Variants in TRAPPC8 observed in about 807,000 individuals in gnomAD.
The protein encoded by TRAPPC8 is trafficking protein particle complex subunit 8.
A neutral mutation model predicts 174.3 loss-of-function variants in TRAPPC8; 54 were observed. The ratio of observed to expected loss-of-function variants is 0.31; its 90% CI spans 0.25 to 0.39. TRAPPC8 has a LOEUF of 0.39. Among genes scored for constraint, TRAPPC8 ranks in the 10% least tolerant of loss-of-function variants. The probability of loss-of-function intolerance (pLI) is 1.00; values close to 1 mark genes in which losing one functional copy is unlikely to be tolerated. For missense variants in TRAPPC8, 1,531 were observed against 1,699.1 expected (o/e 0.90, Z 1.74); for synonymous variants, 630 against 579.9 (o/e 1.09, Z -1.24).
chr18:31,919,604 C>CCTAACA (rs773824663), intron 2 of TRAPPC8, among the ~76,000 whole-genome samples: 2 of 144,538 alleles, frequency 1.4e-5, no homozygotes, highest in Admixed American at 1.4e-4. Flanking sequence ...TAATAATAAT[C>CCTAACA]CTAACACTTT....
At chr18:31,913,240 G>T in intron 5 of TRAPPC8, 129 bp downstream of exon 5, 2 of 962,024 alleles carry the variant, frequency 2.1e-6, no homozygotes, top group Non-Finnish European at 1.5e-6. Flanking sequence ...TGACCTAAGA[G>T]CTCACCTCTG....
intron 8 of TRAPPC8, among the ~76,000 whole-genome samples, 187 bp downstream of exon 8, chr18:31,908,116 G>C (rs982115162): frequency 5.3e-5 from 8 of 152,102 alleles, no homozygotes; most frequent in Non-Finnish European, 1.2e-4. Flanking sequence ...TTTGTTTTTA[G>C]ATGTCCAATT....
At chr18:31,876,082 G>GT (rs2035128284) in intron 12 of TRAPPC8, among the ~76,000 whole-genome samples, 1 of 152,188 alleles carries the variant, frequency 6.6e-6, no homozygotes, top group African/African-American at 2.4e-5. Context: ...GATATCCCAA[G>GT]TTCACTGACT....
intron 26 of TRAPPC8, among the ~76,000 whole-genome samples, chr18:31,845,476 TA>T (rs1210105386): frequency 6.6e-6 from 1 of 151,870 alleles, no homozygotes; most frequent in East Asian, 1.9e-4. Flanking sequence ...TTTTTTTTTT[TA>T]ATGTAAGAGA....
At chr18:31,919,859 C>G (rs113414357) in intron 2 of TRAPPC8, among the ~76,000 whole-genome samples, 1 of 151,422 alleles carries the variant, frequency 6.6e-6, no homozygotes, top group Non-Finnish European at 1.5e-5. Flanking sequence ...GAGACCCTGT[C>G]TCAAAAAATA....
At chr18:31,866,345 A>C (rs1281061186) in intron 18 of TRAPPC8, among the ~76,000 whole-genome samples, 1 of 152,182 alleles carries the variant, frequency 6.6e-6, no homozygotes, top group Non-Finnish European at 1.5e-5. Flanking sequence ...CTCTTCAAAA[A>C]TGTGTAGAAC....
At chr18:31,840,194 T>TC (rs1330076605) in intron 26 of TRAPPC8, among the ~76,000 whole-genome samples, 1 of 152,100 alleles carries the variant, frequency 6.6e-6, no homozygotes, top group African/African-American at 2.4e-5. Flanking sequence ...TGCCATCTAC[T>TC]AAAACTATAC....
rs930895287 is a variant in TRAPPC8 at position 31,917,554 on chromosome 18, G to C, written c.442+24C>G. 6 of 1,576,938 alleles carry C rather than the reference G, an allele frequency of 3.8e-6. No homozygotes were observed. In the African/African-American group the frequency reaches 6.8e-5, roughly 18 times the overall value. On this transcript the variant is annotated intron_variant, in intron 3 of 28. Transcript: ENST00000283351. Reference sequence around the variant, plus strand: ...TAACTTCCATAATATTTGATTTGAGGAGAACATAAATGTCAAAGGATACAT... The same window carrying C: ...TAACTTCCATAATATTTGATTTGAGCAGAACATAAATGTCAAAGGATACAT...
chr18:31,864,257 GA>G (rs1359637985), intron 19 of TRAPPC8, among the ~76,000 whole-genome samples: 1 of 151,754 alleles, frequency 6.6e-6, no homozygotes, highest in Non-Finnish European at 1.5e-5. Context: ...GGAAGAAGGT[GA>G]AATACTGCTT....
intron 27 of TRAPPC8, among the ~76,000 whole-genome samples, chr18:31,836,728 G>A (rs530458147): frequency 6.6e-6 from 1 of 151,688 alleles, no homozygotes; most frequent in Non-Finnish European, 1.5e-5. Flanking sequence ...GGAACCTCTG[G>A]GGGTAGGACT....
intron 1 of TRAPPC8, among the ~76,000 whole-genome samples, chr18:31,934,376 G>A (rs796115256): frequency 2.0e-5 from 3 of 152,240 alleles, no homozygotes; most frequent in African/African-American, 7.2e-5. Context: ...GTTCTGGGTA[G>A]TGGGGAGGTG....
chr18:31,931,630 C>T, intron 1 of TRAPPC8, 107 bp from the exon 2 acceptor site: 1 of 780,814 alleles, frequency 1.3e-6, no homozygotes, highest in Non-Finnish European at 1.9e-6. Context: ...AAGCAGAAGC[C>T]AGCAATTCCA....
chr18:31,893,994 C>T (rs1468820586), intron 11 of TRAPPC8, among the ~76,000 whole-genome samples: 9 of 152,180 alleles, frequency 5.9e-5, no homozygotes, highest in South Asian at 2.1e-4. Context: ...ATGATTCTAA[C>T]GCACAATCCA....
rs1322910062 is a variant in TRAPPC8 at position 31,908,877 on chromosome 18, T to C, written c.999A>G (p.Gly333=). Reference sequence around the variant, plus strand: ...GTGTTAAACATGCACCATGAATTATTCCAGTATTTCCTTTCTTTGTTTCAT... The same window carrying C: ...GTGTTAAACATGCACCATGAATTATCCCAGTATTTCCTTTCTTTGTTTCAT... ...SLHETKKGNT[G]IIHGACLTLT... is the part of the protein sequence containing the mutation. The change falls in exon 7 of 29, where the codon GGA becomes GGG. Residue 333 remains glycine (G), a synonymous_variant. Coordinates refer to ENST00000283351, the MANE Select transcript of TRAPPC8 (RefSeq NM_014939.5). 9 of 1,613,746 alleles carry C rather than the reference T, an allele frequency of 5.6e-6. No individual in the cohort carries two copies. The highest frequency in any genetic ancestry group is 7.6e-6 in the Non-Finnish European group (9 of 1,179,836).
Position 31,908,288 on chromosome 18 carries a change from T to C in TRAPPC8, c.1238+15A>G. On this transcript the variant is annotated intron_variant, in intron 8 of 28. Transcript: ENST00000283351. The stretch of plus-strand genomic sequence containing the variant: ...TTAAACAGAGGAAAAACAAAAATGA[T>C]AACACTTTACTCACAGCAAGCCAGA... The C allele has an allele frequency of 6.5e-7, 1 of 1,545,062 alleles. No homozygotes were observed.
intron 2 of TRAPPC8, among the ~76,000 whole-genome samples, chr18:31,924,962 G>A (rs1408356523): frequency 1.3e-5 from 2 of 151,642 alleles, no homozygotes; most frequent in African/African-American, 4.8e-5. Flanking sequence ...GAAAAAAAAG[G>A]CCCAGGACAC....
In TRAPPC8 at chr18:31,914,982, A is replaced by G. The variant is rs572252295; in HGVS notation, c.617+1290T>C. ...AGTCACAAGAGAGTGGACAGTGGAAAAAGTGCCTGTAAGCAAGTCAGGCCA... is the reference window on the plus strand; with the variant it reads ...AGTCACAAGAGAGTGGACAGTGGAAGAAGTGCCTGTAAGCAAGTCAGGCCA... On this transcript the variant is annotated intron_variant, in intron 4 of 28. Transcript: ENST00000283351. 5.9e-4 allele frequency among the ~76,000 whole-genome samples: 90 copies of G among 152,326 alleles called. 2 individuals are homozygous for G. In the South Asian group the frequency reaches 0.018, roughly 31 times the overall value.
chr18:31,870,963 G>C lies in TRAPPC8; in HGVS notation c.2220C>G (p.Tyr740Ter). 1.9e-6 allele frequency: 3 copies of C among 1,590,610 alleles called. No individual in the cohort carries two copies. Among genetic ancestry groups the C allele is most frequent in the Non-Finnish European group, 2.6e-6 (3 of 1,166,938 alleles). ...CAAGTGGAAATCTTGAATTATCTGAGTAACTGTTCAAACAGTATTGTGTGG... is the reference window on the plus strand; with the variant it reads ...CAAGTGGAAATCTTGAATTATCTGACTAACTGTTCAAACAGTATTGTGTGG... ...FHPTQYCLNS[Y>*]SDNSRFPLAV... is the part of the protein sequence containing the mutation. Residue 740 changes from tyrosine to a stop codon, truncating the protein, a stop_gained, in exon 15 of 29, where the codon TAC becomes TAG. Transcript: ENST00000283351. LOFTEE classifies it high-confidence loss of function.
intron 25 of TRAPPC8, among the ~76,000 whole-genome samples, chr18:31,848,378 T>C (rs1360234223): frequency 6.6e-6 from 1 of 152,148 alleles, no homozygotes; most frequent in Admixed American, 6.6e-5. Flanking sequence ...AAACCTTGTC[T>C]CAGAAATATT....
Sources: gnomAD v4.1 joint callset for allele counts (sites outside exome capture counted in the v4.1 genomes callset) on GRCh38, gnomAD v4.1.1 for gene constraint, MANE v1.5 for transcripts, NCBI Gene and HGNC (gene_info 2026-07-23, HGNC 2026-07-21) for gene names.